Variants in KCNIP4 observed in about 807,000 individuals in gnomAD.
The protein encoded by KCNIP4 is Kv channel-interacting protein 4.
KCNIP4 carries 12 observed loss-of-function variants against 34.0 expected under a neutral mutation model. That is an observed-to-expected ratio of 0.35 (90% CI 0.23 to 0.57). The LOEUF (loss-of-function observed/expected upper bound fraction) is 0.57, where lower values mean the gene tolerates loss of function less well. Ranked by LOEUF, KCNIP4 falls within the 20% of genes least tolerant of loss-of-function variation. The pLI is 0.83. For missense variants in KCNIP4, 238 were observed against 311.7 expected, an observed-to-expected ratio of 0.76 and a Z score of 1.78; for synonymous variants, 124 against 102.2, an observed-to-expected ratio of 1.21 and a Z score of -1.29.
At chr4:21,365,975 A>C (rs915956055) in intron 1 of KCNIP4, among the ~76,000 whole-genome samples, 9 of 152,216 alleles carry the variant, frequency 5.9e-5, no homozygotes, top group Admixed American at 1.3e-4. Context: ...ACTATGAATA[A>C]GTGATTAACT....
At chr4:20,883,624 G>T (rs1021054858) in intron 1 of KCNIP4, among the ~76,000 whole-genome samples, 1 of 151,958 alleles carries the variant, frequency 6.6e-6, no homozygotes, top group African/African-American at 2.4e-5. Flanking sequence ...AAGCATCAGC[G>T]CAGAAAACAA....
At chr4:21,941,952 G>A (rs763838549) in intron 1 of KCNIP4, among the ~76,000 whole-genome samples, 16 of 152,054 alleles carry the variant, frequency 1.1e-4, no homozygotes, top group Non-Finnish European at 1.6e-4. Context: ...CTAATGCTAC[G>A]TGCATGTGTG....
Position 21,205,785 on chromosome 4 carries a change from C to T in KCNIP4, c.62-323076G>A, listed in dbSNP as rs190979725. 5.8e-4 allele frequency among the ~76,000 whole-genome samples: 89 copies of T among 152,282 alleles called. 1 individual carries two copies. Among genetic ancestry groups the T allele is most frequent in the African/African-American group, 2.1e-3 (87 of 41,562 alleles). Reference sequence around the variant, plus strand: ...TACACAGCTGGTGTTTGAAGCCAGGCGGTCTGTCTCCCAGTCCATGCTCCT... The same window carrying T: ...TACACAGCTGGTGTTTGAAGCCAGGTGGTCTGTCTCCCAGTCCATGCTCCT... On this transcript the variant is annotated intron_variant, in intron 1 of 8. Coordinates refer to ENST00000382152, the MANE Select transcript of KCNIP4 (RefSeq NM_025221.6).
intron 1 of KCNIP4, among the ~76,000 whole-genome samples, chr4:21,789,935 G>C (rs921760491): frequency 6.6e-6 from 1 of 152,130 alleles, no homozygotes; most frequent in Admixed American, 6.6e-5. Flanking sequence ...ATTTGAATAG[G>C]AACCCAGAAC....
At chr4:21,944,077 C>G (rs1447535434) in intron 1 of KCNIP4, among the ~76,000 whole-genome samples, 1 of 151,386 alleles carries the variant, frequency 6.6e-6, no homozygotes, top group African/African-American at 2.4e-5. Flanking sequence ...TCTTATGAGT[C>G]TGACGAGCAG....
At chr4:21,297,490 C>G (rs1235482144) in intron 1 of KCNIP4, among the ~76,000 whole-genome samples, 3 of 152,094 alleles carry the variant, frequency 2.0e-5, no homozygotes, top group Admixed American at 2.0e-4. Context: ...TTTGAATAAG[C>G]ATTTTATGAA....
At chr4:21,643,867 TGATGATAGATAGATAGATAGATA>T (rs1333007572) in intron 1 of KCNIP4, among the ~76,000 whole-genome samples, 3 of 128,470 alleles carry the variant, frequency 2.3e-5, no homozygotes, top group African/African-American at 8.6e-5. Context: ...GTGATGATGA[TGATGATAGATAGATAGATAGATA>T]GATAGATAGA....
intron 1 of KCNIP4, among the ~76,000 whole-genome samples, chr4:21,753,925 CCTA>C (rs1717325831): frequency 2.0e-5 from 3 of 152,122 alleles, no homozygotes; most frequent in Admixed American, 2.0e-4. Context: ...ACCCCCTCCT[CCTA>C]CTATCCCCAC....
intron 1 of KCNIP4, among the ~76,000 whole-genome samples, chr4:21,542,944 G>A (rs1737828143): frequency 6.6e-6 from 1 of 151,740 alleles, no homozygotes; most frequent in Non-Finnish European, 1.5e-5. Context: ...ACTATCAGAA[G>A]TAAACTGTTC....
At chr4:21,628,230 A>C (rs1054039753) in intron 1 of KCNIP4, among the ~76,000 whole-genome samples, 2 of 152,114 alleles carry the variant, frequency 1.3e-5, no homozygotes, top group East Asian at 3.9e-4. Flanking sequence ...CTCCTCCAAA[A>C]TTCTAAATTC....
chr4:21,520,032 A>G (rs893105915), intron 1 of KCNIP4, among the ~76,000 whole-genome samples: 22 of 151,890 alleles, frequency 1.4e-4, no homozygotes, highest in Non-Finnish European at 2.6e-4. Flanking sequence ...GAGGGAAGGA[A>G]GCATCCAGCG....
chr4:21,910,084 C>T (rs938382199), intron 1 of KCNIP4, among the ~76,000 whole-genome samples: 3 of 152,060 alleles, frequency 2.0e-5, no homozygotes, highest in Non-Finnish European at 4.4e-5. Flanking sequence ...GCATAGTTAC[C>T]TGTGCAGGGG....
intron 1 of KCNIP4, among the ~76,000 whole-genome samples, chr4:21,148,423 C>T (rs1032563302): frequency 2.6e-5 from 4 of 152,072 alleles, no homozygotes; most frequent in Admixed American, 6.6e-5. Context: ...ACTAAATTAA[C>T]GCCACACTTC....
intron 3 of KCNIP4, among the ~76,000 whole-genome samples, chr4:20,770,918 G>C (rs980953348): frequency 5.3e-5 from 8 of 152,090 alleles, no homozygotes; most frequent in African/African-American, 1.7e-4. Flanking sequence ...CTGGGAGACA[G>C]AGCGAGACTC....
chr4:21,183,085 A>G (rs1305203759), intron 1 of KCNIP4, among the ~76,000 whole-genome samples: 1 of 152,110 alleles, frequency 6.6e-6, no homozygotes, highest in African/African-American at 2.4e-5. Flanking sequence ...TAGATTTCAC[A>G]TATATGTGAT....
At chr4:21,644,495 G>T (rs189871148) in intron 1 of KCNIP4, among the ~76,000 whole-genome samples, 1 of 152,272 alleles carries the variant, frequency 6.6e-6, no homozygotes, top group Admixed American at 6.5e-5. Flanking sequence ...TCCAATCCTT[G>T]ATTTTCACAT....
intron 1 of KCNIP4, among the ~76,000 whole-genome samples, chr4:21,166,750 C>T (rs1480675590): frequency 6.6e-6 from 1 of 151,798 alleles, no homozygotes; most frequent in Non-Finnish European, 1.5e-5. Context: ...ACCAGCCTTG[C>T]CAACATGGCA....
At chr4:21,105,139 A>T (rs531451104) in intron 1 of KCNIP4, among the ~76,000 whole-genome samples, 2 of 151,742 alleles carry the variant, frequency 1.3e-5, no homozygotes, top group Admixed American at 1.3e-4. Flanking sequence ...GAAGAAAGTC[A>T]TTGGTAGCTT....
At chr4:20,958,753 T>A (rs1400596629) in intron 1 of KCNIP4, among the ~76,000 whole-genome samples, 1 of 152,238 alleles carries the variant, frequency 6.6e-6, no homozygotes, top group Non-Finnish European at 1.5e-5. Context: ...TAATCTAAGC[T>A]AATTAGAAAA....
Sources: allele counts gnomAD v4.1 joint callset (sites outside exome capture counted in the v4.1 genomes callset), GRCh38; gene constraint gnomAD v4.1.1; transcripts MANE v1.5; gene names NCBI Gene and HGNC (gene_info 2026-07-23, HGNC 2026-07-21).